Variants in PCSK5 observed in about 807,000 individuals in gnomAD.
PCSK5 encodes the protein prohormone convertase 5.
A neutral mutation model predicts 233.2 loss-of-function variants in PCSK5; 129 were observed. That is an observed-to-expected ratio of 0.55 (90% CI 0.48 to 0.64). The LOEUF (loss-of-function observed/expected upper bound fraction) is 0.64. Ranked by LOEUF, PCSK5 falls within the 30% of genes least tolerant of loss-of-function variation. PCSK5 has a pLI of 0.00. For synonymous variants in PCSK5, 825 were observed against 879.2 expected (o/e 0.94, Z 1.09); for missense variants, 2,076 against 2,430.1 (o/e 0.85, Z 3.06).
At chr9:76,020,403 A>G (rs544294738) in intron 3 of PCSK5, among the ~76,000 whole-genome samples, 14 of 152,332 alleles carry the variant, frequency 9.2e-5, no homozygotes, top group African/African-American at 3.4e-4. Flanking sequence ...GCCACTTGAA[A>G]TGCATTAAAA....
At chr9:75,964,696 A>T (rs1825500241) in intron 2 of PCSK5, among the ~76,000 whole-genome samples, 1 of 152,218 alleles carries the variant, frequency 6.6e-6, no homozygotes, top group African/African-American at 2.4e-5. Context: ...TAATAGCAGT[A>T]GAATTTTGGT....
chr9:76,227,053 C>A (rs1217426343), intron 20 of PCSK5, among the ~76,000 whole-genome samples: 1 of 152,112 alleles, frequency 6.6e-6, no homozygotes, highest in Non-Finnish European at 1.5e-5. Flanking sequence ...ACCATGATTA[C>A]CACACCTCTA....
intron 27 of PCSK5, among the ~76,000 whole-genome samples, chr9:76,298,074 G>A (rs1828498241): frequency 6.6e-6 from 1 of 152,120 alleles, no homozygotes; most frequent in Admixed American, 6.6e-5. Flanking sequence ...CATTTAAGAG[G>A]CAGTGCAAGC....
chr9:75,969,473 C>T (rs986380509), intron 2 of PCSK5, among the ~76,000 whole-genome samples: 6 of 152,168 alleles, frequency 3.9e-5, no homozygotes, highest in East Asian at 1.9e-4. Flanking sequence ...ACTGACCTTA[C>T]TCAACCCCTT....
rs1000506233 is a variant in PCSK5, at chr9:76,233,500, T to C, written c.2770T>C (p.Trp924Arg). The C allele has an allele frequency of 5.6e-6, 9 of 1,612,648 alleles. No homozygotes were observed. The highest frequency in any genetic ancestry group is 1.6e-4 in the Middle Eastern group (1 of 6,084). The change falls in exon 22 of 38, where the codon TGG (tryptophan) becomes CGG (arginine). Residue 924 changes from tryptophan to arginine, a missense_variant. This residue lies in a region of PCSK5 where 1,510 missense variants were observed against 1,538.1 expected (regional missense o/e 0.98). Transcript: ENST00000674117. ...DGRCVSNCPSWKFEFENQCHP... is the reference protein window; with the variant it reads ...DGRCVSNCPSRKFEFENQCHP... The stretch of plus-strand genomic sequence containing the variant: ...CCGCTGTGTTTCGAACTGCCCCTCA[T>C]GGAAATTTGAATTTGAGAACCAATG...
intron 24 of PCSK5, among the ~76,000 whole-genome samples, chr9:76,270,337 AG>A (rs1321254559): frequency 6.6e-6 from 1 of 152,188 alleles, no homozygotes; most frequent in Non-Finnish European, 1.5e-5. Context: ...CTAAGCAATC[AG>A]GGAATGGAAG....
rs543852091 is a variant in PCSK5 at position 76,200,602 on chromosome 9, C to T, written c.2626+10856C>T. Among the ~76,000 whole-genome samples, 11 of 152,162 alleles carry T rather than the reference C, an allele frequency of 7.2e-5. No individual in the cohort carries two copies. The East Asian group carries it at 1.4e-3, about 19-fold the overall frequency. ...TGGAATGAATGAATAAGAAAACATC[C>T]GAGAGAAGTGACATTTGACCTGGGC... is the stretch of plus-strand genomic sequence containing the variant. On this transcript the variant is annotated intron_variant, in intron 20 of 37. Transcript: ENST00000674117.
intron 10 of PCSK5, among the ~76,000 whole-genome samples, chr9:76,142,129 ATAAAAGT>A (rs1274643818): frequency 6.6e-6 from 1 of 151,934 alleles, no homozygotes; most frequent in Admixed American, 6.6e-5. Context: ...TAAACCTAAA[ATAAAAGT>A]TAAAAAAAGT....
chr9:76,261,869 T>C (rs1446567981), intron 24 of PCSK5, among the ~76,000 whole-genome samples: 2 of 152,218 alleles, frequency 1.3e-5, no homozygotes, highest in Admixed American at 1.3e-4. Context: ...TCCTGAGACT[T>C]TGCTGAAGTT....
chr9:75,994,396 CTTTCTTTTTTTTTTTTTTT>C (rs1587471983), intron 3 of PCSK5, among the ~76,000 whole-genome samples: 1,665 of 68,192 alleles, frequency 0.024, 71 homozygotes, highest in East Asian at 0.051. Flanking sequence ...TTCTTTCTTT[CTTTCTTTTTTTTTTTTTTT>C]TTTTTTTTTT....
intron 16 of PCSK5, 104 bp from the exon 17 acceptor site, chr9:76,184,569 G>A: frequency 3.2e-6 from 2 of 632,648 alleles, no homozygotes; most frequent in Non-Finnish European, 5.4e-6. Context: ...TCTAGTCAAG[G>A]CCATAGGTAC....
rs201508448 is a variant in PCSK5, at chr9:75,952,826, A to G, written c.297+20343A>G. Among the ~76,000 whole-genome samples, 16 of 152,302 alleles carry G rather than the reference A, an allele frequency of 1.1e-4. No individual in the cohort carries two copies. The East Asian group carries it at 3.1e-3, about 29-fold the overall frequency. ...GTTCATTTCTGTTGCTTAGTATTCT[A>G]TTACATGGATGTATCATGGCTTGTT... On this transcript the variant is annotated intron_variant, in intron 2 of 37. Coordinates refer to ENST00000674117, the MANE Select transcript of PCSK5 (RefSeq NM_001372043.1).
intron 8 of PCSK5, among the ~76,000 whole-genome samples, chr9:76,105,929 A>G (rs1831961038): frequency 6.6e-6 from 1 of 152,238 alleles, no homozygotes; most frequent in African/African-American, 2.4e-5. Context: ...GAGAGGTCAT[A>G]AAAGAGTCTA....
intron 24 of PCSK5, among the ~76,000 whole-genome samples, chr9:76,249,029 C>T (rs1353161283): frequency 6.6e-6 from 1 of 152,236 alleles, no homozygotes; most frequent in Admixed American, 6.5e-5. Context: ...TCCCAAAGTA[C>T]TGGGATTACA....
intron 16 of PCSK5, among the ~76,000 whole-genome samples, chr9:76,182,770 C>T (rs755144604): frequency 8.5e-5 from 13 of 152,140 alleles, no homozygotes; most frequent in Non-Finnish European, 1.6e-4. Flanking sequence ...ACAAGGACCT[C>T]ATACCATGGT....
chr9:76,067,974 G>T lies in PCSK5; in HGVS notation c.652G>T (p.Gly218Ter). The part of the protein sequence containing the change: ...NENKHGTRCA[G>*]EVAAAANNSH... ...CTGCAGGCATGGGACTCGCTGTGCT[G>T]GAGAAGTGGCAGCCGCTGCAAACAA... The change falls in exon 6 of 38, where the codon GGA (glycine) becomes TGA (stop). Residue 218 changes from glycine (G) to a stop codon, truncating the protein, a stop_gained. Coordinates refer to ENST00000674117, the MANE Select transcript of PCSK5 (RefSeq NM_001372043.1). LOFTEE classifies it high-confidence loss of function. The T allele has an allele frequency of 6.2e-7, 1 of 1,613,832 alleles. No homozygotes were observed. Among genetic ancestry groups the T allele is most frequent in the Non-Finnish European group, 8.5e-7 (1 of 1,179,810 alleles).
chr9:76,261,397 A>C (rs529576848), intron 24 of PCSK5, among the ~76,000 whole-genome samples: 4 of 152,200 alleles, frequency 2.6e-5, no homozygotes, highest in African/African-American at 9.6e-5. Flanking sequence ...AAAAGGCTCT[A>C]AGAACTGAAA....
At chr9:76,055,327 G>A (rs1829782133) in intron 5 of PCSK5, among the ~76,000 whole-genome samples, 1 of 152,012 alleles carries the variant, frequency 6.6e-6, no homozygotes, top group South Asian at 2.1e-4. Flanking sequence ...GTAATTCCAA[G>A]TACTTCAGAA....
At chr9:75,974,688 G>A (rs1382388295) in intron 2 of PCSK5, among the ~76,000 whole-genome samples, 1 of 152,166 alleles carries the variant, frequency 6.6e-6, no homozygotes, top group Non-Finnish European at 1.5e-5. Context: ...CCAAGTCAGA[G>A]ACCTTCCCCC....
Sources: allele counts gnomAD v4.1 joint callset (sites outside exome capture counted in the v4.1 genomes callset), GRCh38; gene constraint gnomAD v4.1.1; regional missense constraint gnomAD v4.1.1; transcripts MANE v1.5; gene names NCBI Gene and HGNC (gene_info 2026-07-23, HGNC 2026-07-21).